SLC4A4: variants seen among roughly 807,000 people sequenced by gnomAD.
SLC4A4 encodes the protein solute carrier family 4 member 4.
Under a neutral mutation model 111.5 loss-of-function variants are expected in SLC4A4, and 27 were observed. The observed-to-expected ratio is 0.24, with a 90% CI of 0.18 to 0.33. SLC4A4 has a LOEUF of 0.33. SLC4A4 is among the 10% of genes least tolerant of loss of function. SLC4A4 has a pLI of 1.00. For missense variants in SLC4A4, 909 were observed against 1,315.5 expected (o/e 0.69, Z 4.78); for synonymous variants, 443 against 463.4 (o/e 0.96, Z 0.57).
In SLC4A4 at chr4:71,103,286, C is replaced by A. The variant is rs950323681; in HGVS notation, c.-2+10494C>A. Among the ~76,000 whole-genome samples, 50 of 151,956 alleles carry A rather than the reference C, an allele frequency of 3.3e-4. No homozygotes were observed. In the Middle Eastern group the frequency reaches 0.014, roughly 41 times the overall value. On this transcript the variant is annotated intron_variant, in intron 2 of 26. Coordinates refer to the SLC4A4 transcript ENST00000649996. ...ATTCATAAAGCAAGTCCTGAGTGAC[C>A]TACAAAGAGACTTAGACTCCCGCAC...
chr4:71,447,793 AATT>A, intron 9 of SLC4A4, 60 bp downstream of exon 9: 2 of 1,057,080 alleles, frequency 1.9e-6, no homozygotes, highest in Non-Finnish European at 2.9e-6. Context: ...TCATACTGTG[AATT>A]GGCTGTCACA....
chr4:71,400,041 G>A (rs1440763755), intron 7 of SLC4A4, among the ~76,000 whole-genome samples: 1 of 152,170 alleles, frequency 6.6e-6, no homozygotes, highest in Non-Finnish European at 1.5e-5. Context: ...TGCTTACCAA[G>A]CCATGCTGAT....
At chr4:71,532,281 A>G (rs1578128529) in intron 17 of SLC4A4, 106 bp downstream of exon 17, 1 of 781,158 alleles carries the variant, frequency 1.3e-6, no homozygotes. Flanking sequence ...ACAATTATCC[A>G]TATTTTTTTT....
intron 16 of SLC4A4, 54 bp from the exon 17 acceptor site, chr4:71,532,008 C>T: frequency 9.8e-7 from 1 of 1,023,312 alleles, no homozygotes; most frequent in Non-Finnish European, 1.5e-6. Context: ...CAAACACAGA[C>T]AAATATATGT....
Position 71,555,145 on chromosome 4 carries a change from A to G in SLC4A4, c.2700A>G (p.Ile900Met). Reference sequence around the variant, plus strand: ...ATCCATTTTTTTCCTTCTAGTTTATACCCATGCCTGTACTCTATGGTGTGT... The same window carrying G: ...ATCCATTTTTTTCCTTCTAGTTTATGCCCATGCCTGTACTCTATGGTGTGT... ...SVFMAPILKF[I>M]PMPVLYGVFL... The change falls in exon 21 of 26, where the codon ATA (isoleucine) becomes ATG (methionine). Residue 900 changes from isoleucine (I) to methionine (M), a missense_variant. This residue lies in a region of SLC4A4 where 104 missense variants were observed against 219.5 expected (regional missense o/e 0.47). Transcript: ENST00000264485. 6.2e-7 allele frequency: 1 copy of G among 1,606,442 alleles called. No individual in the cohort carries two copies. The highest frequency in any genetic ancestry group is 8.5e-7 in the Non-Finnish European group (1 of 1,173,862).
chr4:71,383,988 G>A (rs1718417471), intron 6 of SLC4A4, among the ~76,000 whole-genome samples: 1 of 152,142 alleles, frequency 6.6e-6, no homozygotes, highest in Admixed American at 6.5e-5. Flanking sequence ...CTTCACCAAT[G>A]AGACTTCTTA....
At chr4:71,160,337 CTT>C (rs11307159) in intron 2 of SLC4A4, among the ~76,000 whole-genome samples, 1 of 147,342 alleles carries the variant, frequency 6.8e-6, no homozygotes, top group African/African-American at 2.5e-5. Flanking sequence ...TAACTCCAGG[CTT>C]TTTTTTTTTC....
chr4:71,087,468 G>C (rs1216330392), intron 1 of SLC4A4, among the ~76,000 whole-genome samples: 4 of 151,870 alleles, frequency 2.6e-5, no homozygotes, highest in African/African-American at 9.7e-5. Flanking sequence ...GTTTACTCTT[G>C]CTTCTCTAGT....
chr4:71,144,760 G>C (rs1421885375), intron 2 of SLC4A4, among the ~76,000 whole-genome samples: 2 of 152,104 alleles, frequency 1.3e-5, no homozygotes, highest in African/African-American at 4.8e-5. Flanking sequence ...TCTGTTGTCG[G>C]TGTATAAGAA....
chr4:71,411,355 G>A (rs1456007667), intron 7 of SLC4A4, among the ~76,000 whole-genome samples: 1 of 151,818 alleles, frequency 6.6e-6, no homozygotes, highest in African/African-American at 2.4e-5. Flanking sequence ...GAAGTTTTCT[G>A]TGACACGCCC....
chr4:71,510,704 T>TAAAAC, intron 16 of SLC4A4, among the ~76,000 whole-genome samples: 1 of 152,206 alleles, frequency 6.6e-6, no homozygotes, highest in Non-Finnish European at 1.5e-5. Flanking sequence ...ATTTAACCCA[T>TAAAAC]TTACATTCAA....
intron 1 of SLC4A4, among the ~76,000 whole-genome samples, chr4:71,196,664 T>C (rs931259117): frequency 2.0e-5 from 3 of 151,296 alleles, no homozygotes; most frequent in Non-Finnish European, 4.4e-5. Context: ...GGAGGGATAC[T>C]TAGTATTTTT....
chr4:71,285,378 A>G (rs1723835319), intron 3 of SLC4A4, among the ~76,000 whole-genome samples: 1 of 152,054 alleles, frequency 6.6e-6, no homozygotes, highest in Non-Finnish European at 1.5e-5. Flanking sequence ...CTGTGTGGCG[A>G]TTACCCCCAC....
chr4:71,461,193 C>A (rs71601766), intron 12 of SLC4A4, among the ~76,000 whole-genome samples: 27,078 of 152,020 alleles, frequency 0.18, 2,883 homozygotes, highest in South Asian at 0.39. Context: ...TATAAACAAA[C>A]AAAATTCTAA....
chr4:71,288,383 CA>C (rs1483145180), intron 3 of SLC4A4, among the ~76,000 whole-genome samples: 3 of 151,526 alleles, frequency 2.0e-5, no homozygotes, highest in African/African-American at 7.3e-5. Flanking sequence ...ATCAAGGAGT[CA>C]GAGAACAAAT....
At chr4:71,086,228 T>C (rs1220206921) in intron 1 of SLC4A4, among the ~76,000 whole-genome samples, 3 of 151,800 alleles carry the variant, frequency 2.0e-5, no homozygotes, top group African/African-American at 4.9e-5. Context: ...TGTATAAGAA[T>C]GCTTGTGATT....
At position 71,350,014 on chromosome 4, in the gene SLC4A4, T is replaced by C; in HGVS notation, c.492T>C (p.Cys164=). ...ATAGTTTATTTGAGCTGAGGACATGTATGGAGAAAGGATCCATCATGCTTG... is the reference window on the plus strand; with the variant it reads ...ATAGTTTATTTGAGCTGAGGACATGCATGGAGAAAGGATCCATCATGCTTG... ...SLHSLFELRT[C]MEKGSIMLDR... is the part of the protein sequence containing the mutation. Residue 164 remains cysteine (C), a synonymous_variant, in exon 5 of 26, where the codon TGT becomes TGC. Coordinates refer to ENST00000264485, the MANE Select transcript of SLC4A4 (RefSeq NM_001098484.3). The C allele has an allele frequency of 6.2e-7, 1 of 1,614,134 alleles. No homozygotes were observed. Among genetic ancestry groups the C allele is most frequent in the Non-Finnish European group, 8.5e-7 (1 of 1,179,996 alleles).
chr4:71,143,599 C>T (rs886351159), intron 2 of SLC4A4, among the ~76,000 whole-genome samples: 5 of 152,194 alleles, frequency 3.3e-5, no homozygotes, highest in African/African-American at 1.2e-4. Context: ...TCCACATCCT[C>T]TCCAGCACCT....
At chr4:71,482,615 C>T (rs1014922588) in intron 14 of SLC4A4, among the ~76,000 whole-genome samples, 4 of 151,516 alleles carry the variant, frequency 2.6e-5, no homozygotes, top group South Asian at 2.1e-4. Flanking sequence ...TTCAAACTCT[C>T]GTGACAGGAA....
Sources: allele counts gnomAD v4.1 joint callset (sites outside exome capture counted in the v4.1 genomes callset), GRCh38; gene constraint gnomAD v4.1.1; regional missense constraint gnomAD v4.1.1; transcripts MANE v1.5; gene names NCBI Gene and HGNC (gene_info 2026-07-23, HGNC 2026-07-21).